SMYD3: variants seen among roughly 807,000 people sequenced by gnomAD.
SMYD3 encodes the protein histone-lysine N-methyltransferase SMYD3.
In SMYD3, 36 loss-of-function variants were observed where a neutral mutation model predicts 57.7. That is an observed-to-expected ratio of 0.62 (90% confidence interval 0.48 to 0.82). The LOEUF (loss-of-function observed/expected upper bound fraction) is 0.82. Among genes scored for constraint, SMYD3 ranks in the 40% least tolerant of loss-of-function variants. SMYD3 has a pLI of 0.00. For missense variants in SMYD3, 515 were observed against 538.8 expected (o/e 0.96, Z 0.44); for synonymous variants, 211 against 195.0 (o/e 1.08, Z -0.68).
intron 1 of SMYD3, among the ~76,000 whole-genome samples, chr1:246,386,272 G>A (rs2066479323): frequency 6.6e-6 from 1 of 152,162 alleles, no homozygotes. Flanking sequence ...TACAGTAAAA[G>A]GAGAATGCGT....
At chr1:246,365,787 C>A (rs1004444483) in intron 1 of SMYD3, among the ~76,000 whole-genome samples, 1 of 152,168 alleles carries the variant, frequency 6.6e-6, no homozygotes, top group Admixed American at 6.6e-5. Context: ...TAACTTCCAA[C>A]AGACCTGTAA....
intron 1 of SMYD3, among the ~76,000 whole-genome samples, chr1:246,427,451 C>T (rs1017633969): frequency 4.1e-5 from 6 of 147,850 alleles, no homozygotes; most frequent in Admixed American, 1.4e-4. Context: ...ACCCGGGAGG[C>T]GGAGCTTGCA....
At chr1:246,367,969 T>A (rs1323820335) in intron 1 of SMYD3, among the ~76,000 whole-genome samples, 1 of 152,162 alleles carries the variant, frequency 6.6e-6, no homozygotes, top group Non-Finnish European at 1.5e-5. Context: ...GAACGGAGTG[T>A]CATATCAAAG....
intron 2 of SMYD3, among the ~76,000 whole-genome samples, chr1:246,341,542 T>C (rs2065633520): frequency 6.6e-6 from 1 of 152,186 alleles, no homozygotes; most frequent in Non-Finnish European, 1.5e-5. Context: ...AAATTTACTA[T>C]ATATTATCAT....
At chr1:246,148,718 C>T (rs537756117) in intron 5 of SMYD3, among the ~76,000 whole-genome samples, 1 of 152,298 alleles carries the variant, frequency 6.6e-6, no homozygotes, top group South Asian at 2.1e-4. Context: ...GTATACAGGC[C>T]ATCTCCAAGA....
intron 5 of SMYD3, among the ~76,000 whole-genome samples, chr1:246,033,963 A>G (rs1222137257): frequency 1.3e-5 from 2 of 152,184 alleles, no homozygotes; most frequent in Non-Finnish European, 2.9e-5. Flanking sequence ...AATTATCTCA[A>G]AAATAAAAGG....
At position 246,149,253 on chromosome 1, in the gene SMYD3, A is replaced by G. The variant is rs148727592; in HGVS notation, c.531+177948T>C. ...TTTCTCTACGAAGAAACTGAGATGC[A>G]GAAATGTTGAGTGACTGCTTGTCTG... On this transcript the variant is annotated intron_variant, in intron 5 of 11. Coordinates refer to ENST00000490107, the MANE Select transcript of SMYD3 (RefSeq NM_001167740.2). Among the ~76,000 whole-genome samples, 412 of 152,342 alleles carry G rather than the reference A, an allele frequency of 2.7e-3. 2 individuals are homozygous for G. The highest frequency in any genetic ancestry group is 9.1e-3 in the African/African-American group (380 of 41,576).
At chr1:246,340,071 A>G (rs747798310) in intron 2 of SMYD3, among the ~76,000 whole-genome samples, 1 of 152,138 alleles carries the variant, frequency 6.6e-6, no homozygotes, top group Non-Finnish European at 1.5e-5. Context: ...AGTTAAACTA[A>G]ATTACAAAGG....
At chr1:246,407,380 C>T (rs1157742007) in intron 1 of SMYD3, among the ~76,000 whole-genome samples, 1 of 152,192 alleles carries the variant, frequency 6.6e-6, no homozygotes, top group Non-Finnish European at 1.5e-5. Flanking sequence ...CTATTTGAAT[C>T]CCAAAGACAA....
intron 5 of SMYD3, among the ~76,000 whole-genome samples, chr1:246,194,411 G>C (rs1027114309): frequency 3.3e-5 from 5 of 152,050 alleles, no homozygotes; most frequent in Admixed American, 3.3e-4. Context: ...TGGGACTACG[G>C]GCATGTGCCA....
rs1389028352 is a variant in SMYD3 at position 246,209,430 on chromosome 1, G to T, written c.531+117771C>A. Among the ~76,000 whole-genome samples the T allele has an allele frequency of 2.0e-5, 3 of 152,216 alleles. No homozygotes were observed. The East Asian group carries it at 5.8e-4, about 29-fold the overall frequency. On this transcript the variant is annotated intron_variant, in intron 5 of 11. Transcript: ENST00000490107. ...GCATTAAGACCAAAACTGGGATTCA[G>T]GGTATATATAACAAGAGGGGGAAAA...
At chr1:246,098,952 T>C (rs1302219703) in intron 5 of SMYD3, among the ~76,000 whole-genome samples, 1 of 152,216 alleles carries the variant, frequency 6.6e-6, no homozygotes, top group Admixed American at 6.5e-5. Flanking sequence ...CTGGGAATAG[T>C]AGAATTTTTG....
chr1:245,848,671 C>A (rs529713468), intron 10 of SMYD3, among the ~76,000 whole-genome samples: 2 of 152,046 alleles, frequency 1.3e-5, no homozygotes, highest in African/African-American at 4.8e-5. Context: ...CTTAGCCTCC[C>A]AAAGTGCTGG....
chr1:246,482,853 T>C (rs1043363823), intron 1 of SMYD3, among the ~76,000 whole-genome samples: 2 of 152,296 alleles, frequency 1.3e-5, no homozygotes, highest in Admixed American at 6.5e-5. Context: ...AAACCAGCAG[T>C]TGGGGATAGA....
intron 5 of SMYD3, among the ~76,000 whole-genome samples, chr1:246,136,152 T>G (rs975793811): frequency 2.6e-5 from 4 of 152,190 alleles, no homozygotes; most frequent in South Asian, 4.1e-4. Flanking sequence ...ACCAACAGAT[T>G]GGAGTTAATG....
chr1:245,827,138 C>G (rs2049546073), intron 10 of SMYD3, among the ~76,000 whole-genome samples: 1 of 152,200 alleles, frequency 6.6e-6, no homozygotes, highest in African/African-American at 2.4e-5. Flanking sequence ...TGACTGTGAT[C>G]TGTAGATGAG....
At chr1:246,118,451 C>T (rs2061374265) in intron 5 of SMYD3, among the ~76,000 whole-genome samples, 1 of 152,212 alleles carries the variant, frequency 6.6e-6, no homozygotes, top group Admixed American at 6.5e-5. Context: ...GTTGCATGTG[C>T]AGGTATTATG....
chr1:246,369,588 A>G (rs1361407), intron 1 of SMYD3, among the ~76,000 whole-genome samples: 149,948 of 152,258 alleles, frequency 0.98, 73,846 homozygotes, highest in East Asian at 1. Context: ...GCACAATGGC[A>G]CAAACACAGC....
intron 10 of SMYD3, among the ~76,000 whole-genome samples, chr1:245,832,981 G>A (rs983101865): frequency 2.8e-4 from 42 of 147,766 alleles, no homozygotes; most frequent in African/African-American, 1.0e-3. Context: ...CACCTTCTCC[G>A]CACAGTGAAG....
Sources: allele counts gnomAD v4.1 joint callset (sites outside exome capture counted in the v4.1 genomes callset), GRCh38; gene constraint gnomAD v4.1.1; transcripts MANE v1.5; gene names NCBI Gene and HGNC (gene_info 2026-07-23, HGNC 2026-07-21).